The following CASS4 variants were observed in gnomAD, a reference collection of about 807,000 sequenced individuals.
CASS4 encodes the protein Cas scaffold protein family member 4.
In CASS4, 22 loss-of-function variants were observed where a neutral mutation model predicts 54.2. That is an observed-to-expected ratio of 0.41 (90% confidence interval 0.29 to 0.58). The LOEUF (loss-of-function observed/expected upper bound fraction) is 0.58, where lower values mean the gene tolerates loss of function less well. Among genes scored for constraint, CASS4 ranks in the 20% least tolerant of loss-of-function variants. The pLI is 0.36. For synonymous variants in CASS4, 409 were observed against 391.5 expected (o/e 1.04, Z -0.53); for missense variants, 854 against 986.7 (o/e 0.87, Z 1.80).
intron 2 of CASS4, among the ~76,000 whole-genome samples, chr20:56,440,814 AT>A (rs544492482): frequency 1.4e-4 from 22 of 152,270 alleles, no homozygotes; most frequent in African/African-American, 5.3e-4. Flanking sequence ...CCGCAAGGAA[AT>A]TCAGGGGGGG....
intron 5 of CASS4, 49 bp from the exon 6 acceptor site, chr20:56,458,291 C>A: frequency 6.5e-7 from 1 of 1,546,344 alleles, no homozygotes; most frequent in Non-Finnish European, 8.8e-7. Context: ...CAGACAGCCA[C>A]AGCCCATTGA....
In CASS4 at chr20:56,458,724, C is replaced by A; in HGVS notation, c.2338C>A (p.Gln780Lys). Residue 780 changes from glutamine (Q) to lysine (K), a missense_variant, in exon 6 of 6, where the codon CAG becomes AAG. Physicochemically the swap from Gln to Lys is moderately conservative, Grantham distance 53 (BLOSUM62 1). Coordinates refer to ENST00000679887, the MANE Select transcript of CASS4 (RefSeq NM_020356.4). ...TGAGAAGCTGGAGCAACACACGCGG[C>A]AGTTCAGAGGGACACTGGGATGAGG... is the stretch of plus-strand genomic sequence containing the variant. ...EAEKLEQHTR[Q>K]FRGTLG 1 of 1,608,354 alleles carries A rather than the reference C, an allele frequency of 6.2e-7. No individual in the cohort carries two copies. The highest frequency in any genetic ancestry group is 8.5e-7 in the Non-Finnish European group (1 of 1,177,184).
Position 56,446,769 on chromosome 20 carries a change from T to C in CASS4, c.561+768T>C, listed in dbSNP as rs185754600. On this transcript the variant is annotated intron_variant, in intron 3 of 5. Transcript: ENST00000679887. ...CCTGTGCCCCAACCCCAGAGACTGT[T>C]GAATCAGGTCTAGATGGGGCCCAAA... Among the ~76,000 whole-genome samples the C allele has an allele frequency of 2.6e-3, 394 of 152,244 alleles. 2 individuals are homozygous for C. The highest frequency in any genetic ancestry group is 4.6e-3 in the Non-Finnish European group (316 of 68,022).
At chr20:56,448,003 A>G (rs1417116200) in intron 3 of CASS4, among the ~76,000 whole-genome samples, 3 of 152,056 alleles carry the variant, frequency 2.0e-5, no homozygotes, top group South Asian at 2.1e-4. Context: ...TTAGCCGGGC[A>G]TGGTGGCAGG....
intron 1 of CASS4, among the ~76,000 whole-genome samples, chr20:56,436,302 A>G (rs1395285624): frequency 6.6e-6 from 1 of 151,428 alleles, no homozygotes; most frequent in Non-Finnish European, 1.5e-5. Flanking sequence ...AGATACCCAT[A>G]TGTATACACA....
Position 56,445,957 on chromosome 20 carries a change from G to T in CASS4, c.517G>T (p.Val173Leu). The T allele has an allele frequency of 1.2e-6, 2 of 1,614,010 alleles. No individual in the cohort carries two copies. The highest frequency in any genetic ancestry group is 1.7e-6 in the Non-Finnish European group (2 of 1,180,028). Residue 173 changes from valine (V) to leucine (L), a missense_variant, in exon 3 of 6, where the codon GTG (valine) becomes TTG (leucine). Physicochemically the swap from Val to Leu is conservative, Grantham distance 32. Coordinates refer to ENST00000679887, the MANE Select transcript of CASS4 (RefSeq NM_020356.4). ...CTCACTGCCGACTCTGCCTTCCCAG[G>T]TGTATGACGTGCCTACCCAGCACCG... Reference protein sequence around the residue: ...RASLPTLPSQVYDVPTQHRGP... With the variant: ...RASLPTLPSQLYDVPTQHRGP...
intron 1 of CASS4, among the ~76,000 whole-genome samples, chr20:56,431,116 G>A (rs530069192): frequency 7.8e-4 from 119 of 152,312 alleles, no homozygotes; most frequent in African/African-American, 2.7e-3. Flanking sequence ...TAGAATTTAA[G>A]TGACCTTGGA....
chr20:56,452,640 A>C lies in CASS4; in HGVS notation c.1464A>C (p.Glu488Asp). Residue 488 changes from glutamate (E) to aspartate (D), a missense_variant, in exon 5 of 6, where the codon GAA becomes GAC. Physicochemically the swap from Glu to Asp is conservative, Grantham distance 45. Coordinates refer to ENST00000679887, the MANE Select transcript of CASS4 (RefSeq NM_020356.4). ...AIHRSTDHIE[E>D]SVREFLDFAR... The stretch of plus-strand genomic sequence containing the variant: ...ACAGGTCCACTGATCACATAGAAGA[A>C]TCTGTAAGAGAATTTCTGGATTTTG... The C allele has an allele frequency of 6.2e-7, 1 of 1,614,172 alleles. No individual in the cohort carries two copies. Among genetic ancestry groups the C allele is most frequent in the Non-Finnish European group, 8.5e-7 (1 of 1,180,030 alleles).
Position 56,459,193 on chromosome 20 carries a change from G to T in CASS4, c.*446G>T. The T allele has an allele frequency of 6.2e-6, 1 of 162,592 alleles. No individual in the cohort carries two copies. The highest frequency in any genetic ancestry group is 1.3e-5 in the Non-Finnish European group (1 of 74,194). The allele number at this position is 162,592 out of a possible 1,614,324, so 10.1% of individuals were successfully genotyped here. A position where few individuals can be genotyped will look rare whatever the true frequency, so the allele number is the denominator to read the frequency against. ...AGCCTCCAGAGTAGCTGGTACTACA[G>T]GTGTGCGCCACCATGCCCAGCTAAT... is the stretch of plus-strand genomic sequence containing the variant. On this transcript the variant is annotated 3_prime_UTR_variant, in exon 6 of 6. Coordinates refer to ENST00000679887, the MANE Select transcript of CASS4 (RefSeq NM_020356.4).
intron 5 of CASS4, 90 bp downstream of exon 5, chr20:56,453,219 G>T (rs529615536): frequency 1.1e-6 from 1 of 917,058 alleles, no homozygotes; most frequent in Admixed American, 2.7e-5. Context: ...TTTCCATAGT[G>T]TATAGGCTTT....
chr20:56,431,960 C>A (rs1006213207), intron 1 of CASS4, among the ~76,000 whole-genome samples: 7 of 152,056 alleles, frequency 4.6e-5, no homozygotes, highest in African/African-American at 1.4e-4. Flanking sequence ...TTCAAAAAGG[C>A]AAAATTATGA....
At position 56,452,068 on chromosome 20, in the gene CASS4, G is replaced by C; in HGVS notation, c.892G>C (p.Val298Leu). 1 of 1,614,166 alleles carries C rather than the reference G, an allele frequency of 6.2e-7. No individual in the cohort carries two copies. Among genetic ancestry groups the C allele is most frequent in the Non-Finnish European group, 8.5e-7 (1 of 1,180,034 alleles). The change falls in exon 5 of 6, where the codon GTG becomes CTG. Residue 298 changes from valine to leucine, a missense_variant. Val to Leu is a conservative substitution (Grantham distance 32). Coordinates refer to ENST00000679887, the MANE Select transcript of CASS4 (RefSeq NM_020356.4). ...CCTCACTCCACAACTGAATAACAATGTGCCCATGCAGAAAAAACTCAGCCT... is the reference window on the plus strand; with the variant it reads ...CCTCACTCCACAACTGAATAACAATCTGCCCATGCAGAAAAAACTCAGCCT... Reference protein sequence around the residue: ...RSLTPQLNNNVPMQKKLSLPE... With the variant: ...RSLTPQLNNNLPMQKKLSLPE...
intron 2 of CASS4, among the ~76,000 whole-genome samples, chr20:56,442,156 A>G (rs1980492237): frequency 6.6e-6 from 1 of 151,830 alleles, no homozygotes; most frequent in Non-Finnish European, 1.5e-5. Flanking sequence ...CTGTGTTGAC[A>G]GTCTGCAGAC....
chr20:56,442,677 C>G (rs1305516645), intron 2 of CASS4, among the ~76,000 whole-genome samples: 2 of 131,384 alleles, frequency 1.5e-5, no homozygotes, highest in South Asian at 2.2e-4. Flanking sequence ...AAAAAAAAAC[C>G]CACCACATCA....
At chr20:56,432,143 A>G (rs932470202) in intron 1 of CASS4, among the ~76,000 whole-genome samples, 9 of 152,152 alleles carry the variant, frequency 5.9e-5, no homozygotes, top group African/African-American at 1.9e-4. Context: ...AGGTATAGGC[A>G]ATTTAATTAA....
At chr20:56,433,713 C>G (rs1980024632) in intron 1 of CASS4, among the ~76,000 whole-genome samples, 1 of 152,194 alleles carries the variant, frequency 6.6e-6, no homozygotes, top group South Asian at 2.1e-4. Context: ...CTCTGCTTTT[C>G]AATGTCATCT....
chr20:56,425,649 G>A (rs1014898159), intron 1 of CASS4, among the ~76,000 whole-genome samples: 2 of 152,236 alleles, frequency 1.3e-5, no homozygotes, highest in Non-Finnish European at 2.9e-5. Flanking sequence ...GTAACGACAA[G>A]CAGCTGCTTA....
chr20:56,416,955 T>C (rs1979166267), intron 1 of CASS4, among the ~76,000 whole-genome samples: 1 of 152,228 alleles, frequency 6.6e-6, no homozygotes, highest in African/African-American at 2.4e-5. Context: ...AGAGCAAATC[T>C]TTTTTGTCTC....
intron 1 of CASS4, among the ~76,000 whole-genome samples, chr20:56,436,290 A>C (rs1045697149): frequency 5.9e-5 from 9 of 151,812 alleles, no homozygotes; most frequent in Non-Finnish European, 1.0e-4. Context: ...TGACAGAGAG[A>C]GAGATACCCA....
Sources: gnomAD v4.1 joint callset for allele counts (sites outside exome capture counted in the v4.1 genomes callset) on GRCh38, gnomAD v4.1.1 for gene constraint, MANE v1.5 for transcripts, NCBI Gene and HGNC (gene_info 2026-07-23, HGNC 2026-07-21) for gene names.